Variants in ALKAL1 observed in about 807,000 individuals in gnomAD.
ALKAL1 encodes the protein ALK and LTK ligand 1.
Under a neutral mutation model 13.5 loss-of-function variants are expected in ALKAL1, and 23 were observed. The observed-to-expected ratio is 1.70, with a 90% CI of 1.23 to 2.41. The LOEUF (loss-of-function observed/expected upper bound fraction) is 2.41, where lower values mean the gene tolerates loss of function less well. ALKAL1 is among the 30% of genes most tolerant of loss of function. ALKAL1 has a pLI of 0.00. For missense variants in ALKAL1, 181 were observed against 178.4 expected (o/e 1.01, Z -0.08); for synonymous variants, 85 against 77.7 (o/e 1.09, Z -0.49).
intron 1 of ALKAL1, among the ~76,000 whole-genome samples, chr8:52,555,997 T>A (rs1037745238): frequency 1.3e-5 from 2 of 152,180 alleles, no homozygotes; most frequent in Non-Finnish European, 2.9e-5. Flanking sequence ...AGATCCTGCA[T>A]GGAATGGTGA....
intron 1 of ALKAL1, among the ~76,000 whole-genome samples, chr8:52,564,596 C>A (rs956709037): frequency 5.9e-5 from 9 of 152,136 alleles, no homozygotes; most frequent in African/African-American, 2.2e-4. Context: ...CTGAAACTGG[C>A]GCTTCCTCAG....
At chr8:52,546,470 G>A (rs897663106) in intron 1 of ALKAL1, among the ~76,000 whole-genome samples, 13 of 152,208 alleles carry the variant, frequency 8.5e-5, no homozygotes, top group Admixed American at 2.6e-4. Context: ...TCAACTATTA[G>A]TTCTCATACT....
chr8:52,553,919 T>C (rs1442647164), intron 1 of ALKAL1, among the ~76,000 whole-genome samples: 1 of 152,148 alleles, frequency 6.6e-6, no homozygotes, highest in Non-Finnish European at 1.5e-5. Flanking sequence ...ATAAACGAGA[T>C]TCTTATAAAA....
Position 52,558,336 on chromosome 8 carries a change from A to G in ALKAL1, c.190+6731T>C, listed in dbSNP as rs147440065. Reference sequence around the variant, plus strand: ...GCACTCCAGCCTGGGTGACAGAGTCAGACTCCATCTCAAAAAAAAAAAAAA... The same window carrying G: ...GCACTCCAGCCTGGGTGACAGAGTCGGACTCCATCTCAAAAAAAAAAAAAA... On this transcript the variant is annotated intron_variant, in intron 1 of 4. Coordinates refer to ENST00000358543, the MANE Select transcript of ALKAL1 (RefSeq NM_207413.4). Among the ~76,000 whole-genome samples, 1,273 of 135,570 alleles carry G rather than the reference A, an allele frequency of 9.4e-3. 13 individuals are homozygous for G. The highest frequency in any genetic ancestry group is 0.016 in the Non-Finnish European group (1,008 of 64,352). 88.9% of individuals were successfully genotyped at this position (135,570 alleles called of 152,430 possible).
At chr8:52,540,718 G>A (rs899584299) in intron 2 of ALKAL1, among the ~76,000 whole-genome samples, 1 of 152,062 alleles carries the variant, frequency 6.6e-6, no homozygotes, top group African/African-American at 2.4e-5. Context: ...CTGAGCAACA[G>A]AGTGAGACCC....
intron 4 of ALKAL1, among the ~76,000 whole-genome samples, chr8:52,537,320 AT>A (rs779051734): frequency 2.0e-4 from 30 of 152,322 alleles, no homozygotes; most frequent in East Asian, 1.9e-4. Context: ...AGACAAAAAA[AT>A]AAATGCTAGT....
intron 2 of ALKAL1, among the ~76,000 whole-genome samples, chr8:52,541,041 A>C (rs1459655996): frequency 6.6e-6 from 1 of 152,226 alleles, no homozygotes; most frequent in Non-Finnish European, 1.5e-5. Flanking sequence ...AGGCAATGCC[A>C]ATAGTAAATA....
chr8:52,561,007 T>G (rs1847544265), intron 1 of ALKAL1, among the ~76,000 whole-genome samples: 2 of 152,332 alleles, frequency 1.3e-5, no homozygotes, highest in Middle Eastern at 3.4e-3. Context: ...GTAGTAATCA[T>G]TTCTTGTGCC....
chr8:52,543,040 T>G (rs1847330287), intron 1 of ALKAL1, among the ~76,000 whole-genome samples: 1 of 152,182 alleles, frequency 6.6e-6, no homozygotes, highest in Non-Finnish European at 1.5e-5. Flanking sequence ...ATACTATAAG[T>G]CATGATCTCT....
Position 52,565,369 on chromosome 8 carries a change from G to T in ALKAL1, c.-113C>A. On this transcript the variant is annotated 5_prime_UTR_variant, in exon 1 of 5. Coordinates refer to ENST00000358543, the MANE Select transcript of ALKAL1 (RefSeq NM_207413.4). ...GGACCACAGCGCGGCTACGCGGCCG[G>T]CCGCAGTCTTCACCGCGCGCCTGCC... 1.1e-6 allele frequency: 1 copy of T among 872,152 alleles called. No homozygotes were observed. The highest frequency in any genetic ancestry group is 1.5e-6 in the Non-Finnish European group (1 of 647,492). The allele number at this position is 872,152 out of a possible 1,614,324, so 54.0% of individuals were successfully genotyped here. A position where few individuals can be genotyped will look rare whatever the true frequency, so the allele number is the denominator to read the frequency against.
At chr8:52,564,233 G>T (rs1847578876) in intron 1 of ALKAL1, among the ~76,000 whole-genome samples, 1 of 152,162 alleles carries the variant, frequency 6.6e-6, no homozygotes, top group African/African-American at 2.4e-5. Context: ...GCTTCACCTT[G>T]CTCTGCTCTT....
chr8:52,564,580 C>T (rs1300341629), intron 1 of ALKAL1, among the ~76,000 whole-genome samples: 1 of 152,198 alleles, frequency 6.6e-6, no homozygotes, highest in Non-Finnish European at 1.5e-5. Flanking sequence ...CATAAGCCGC[C>T]GCCTGCTGAA....
chr8:52,538,318 T>C (rs1215286557), intron 4 of ALKAL1, 113 bp downstream of exon 4: 9 of 673,216 alleles, frequency 1.3e-5, no homozygotes, highest in Non-Finnish European at 2.4e-5. Context: ...AATGTAACAC[T>C]GTACCCCATA....
chr8:52,541,753 T>C (rs1847315333), intron 2 of ALKAL1, among the ~76,000 whole-genome samples: 1 of 152,042 alleles, frequency 6.6e-6, no homozygotes, highest in South Asian at 2.1e-4. Context: ...CGAAACTCTG[T>C]CTCAGAAAAA....
At chr8:52,555,168 C>G (rs1481295846) in intron 1 of ALKAL1, among the ~76,000 whole-genome samples, 1 of 142,680 alleles carries the variant, frequency 7.0e-6, no homozygotes, top group East Asian at 2.1e-4. Flanking sequence ...GAGACTCTGT[C>G]TCAGAAAAAA....
chr8:52,551,994 A>G (rs1459063075), intron 1 of ALKAL1, among the ~76,000 whole-genome samples: 1 of 152,200 alleles, frequency 6.6e-6, no homozygotes, highest in African/African-American at 2.4e-5. Context: ...ATACTGGTAC[A>G]TTCTTACTCA....
rs188975414 is a variant in ALKAL1 at position 52,549,326 on chromosome 8, G to A, written c.191-6881C>T. Among the ~76,000 whole-genome samples the A allele has an allele frequency of 1.9e-3, 292 of 151,988 alleles. 2 individuals are homozygous for A. The highest frequency in any genetic ancestry group is 6.4e-3 in the African/African-American group (264 of 41,490). ...CAATTACCTTTATTACAGCAGTACT[G>A]AGAGAATTATAGATGAGAACTGTTT... is the stretch of plus-strand genomic sequence containing the variant. On this transcript the variant is annotated intron_variant, in intron 1 of 4. Coordinates refer to ENST00000358543, the MANE Select transcript of ALKAL1 (RefSeq NM_207413.4).
rs1385880193 is a variant in ALKAL1, at chr8:52,534,192, C to T, written c.*421G>A. The T allele has an allele frequency of 1.3e-5, 2 of 153,132 alleles. No homozygotes were observed. Among genetic ancestry groups the T allele is most frequent in the Admixed American group, 1.3e-4 (2 of 15,290 alleles). The allele number at this position is 153,132 out of a possible 1,614,324, so 9.5% of individuals were successfully genotyped here. A position where few individuals can be genotyped will look rare whatever the true frequency, so the allele number is the denominator to read the frequency against. On this transcript the variant is annotated 3_prime_UTR_variant, in exon 5 of 5. Transcript: ENST00000358543. ...AAGAATTATAAAATTTAACTTGGTA[C>T]ACGATGATTTGACAAATATATACTA...
chr8:52,545,782 C>T (rs1847363111), intron 1 of ALKAL1, among the ~76,000 whole-genome samples: 1 of 152,192 alleles, frequency 6.6e-6, no homozygotes, highest in Non-Finnish European at 1.5e-5. Flanking sequence ...TTTTGGTTTA[C>T]AGTACAGAGG....
Sources: allele counts gnomAD v4.1 joint callset (sites outside exome capture counted in the v4.1 genomes callset), GRCh38; gene constraint gnomAD v4.1.1; transcripts MANE v1.5; gene names NCBI Gene and HGNC (gene_info 2026-07-23, HGNC 2026-07-21).